Variants in SLC12A7 observed in about 807,000 individuals in gnomAD.
SLC12A7 encodes the protein K-Cl cotransporter 4.
SLC12A7 carries 100 observed loss-of-function variants against 120.6 expected under a neutral mutation model. The observed-to-expected ratio is 0.83, with a 90% CI of 0.71 to 0.98. The LOEUF is 0.98. Among genes scored for constraint, SLC12A7 ranks in the 50% least tolerant of loss-of-function variants. The pLI is 0.00. For synonymous variants in SLC12A7, 760 were observed against 678.0 expected, an observed-to-expected ratio of 1.12 and a Z score of -1.88; for missense variants, 1,373 against 1,548.1, an observed-to-expected ratio of 0.89 and a Z score of 1.90.
At chr5:1,064,999 T>G (rs1202578871) in intron 18 of SLC12A7, among the ~76,000 whole-genome samples, 1 of 56,418 alleles carries the variant, frequency 1.8e-5, no homozygotes, top group Admixed American at 2.8e-4. Flanking sequence ...GGCAAAGGGA[T>G]GCAGAGGAGA....
chr5:1,094,455 T>C (rs1301711532), intron 1 of SLC12A7, among the ~76,000 whole-genome samples: 1 of 152,142 alleles, frequency 6.6e-6, no homozygotes, highest in Non-Finnish European at 1.5e-5. Context: ...TGCACGCTAG[T>C]CCCAGGACAC....
chr5:1,052,500 T>C (rs1422519488), intron 23 of SLC12A7, 49 bp from the exon 24 acceptor site: 2 of 1,484,890 alleles, frequency 1.3e-6, no homozygotes, highest in Non-Finnish European at 1.9e-6. Context: ...TGAGCGTGTG[T>C]AGCTGAAATC....
chr5:1,053,339 G>A lies in SLC12A7; in HGVS notation c.3160+10C>T, dbSNP rs1261951449. ...CGCACGCTCAGCAGGCACACTGCAA[G>A]AAAGGATACAGTTCTCGTCTCCCTG... is the stretch of plus-strand genomic sequence containing the variant. On this transcript the variant is annotated intron_variant, in intron 23 of 23. Coordinates refer to ENST00000264930, the MANE Select transcript of SLC12A7 (RefSeq NM_006598.3). The A allele has an allele frequency of 1.9e-6, 3 of 1,613,272 alleles. No homozygotes were observed. The highest frequency in any genetic ancestry group is 2.5e-6 in the Non-Finnish European group (3 of 1,179,710).
chr5:1,065,849 C>A (rs536246084), intron 17 of SLC12A7, among the ~76,000 whole-genome samples: 2 of 151,264 alleles, frequency 1.3e-5, no homozygotes, highest in South Asian at 2.1e-4. Context: ...CAGAAACACC[C>A]GAAAATGGGC....
chr5:1,083,651 C>G, intron 8 of SLC12A7, 94 bp downstream of exon 8: 1 of 1,323,668 alleles, frequency 7.6e-7, no homozygotes, highest in South Asian at 1.2e-5. Context: ...GAATTGGGGC[C>G]CTGAGAGTGA....
At chr5:1,073,524 GC>G in intron 17 of SLC12A7, 108 bp downstream of exon 17, 1 of 1,233,208 alleles carries the variant, frequency 8.1e-7, no homozygotes, top group Non-Finnish European at 1.1e-6. Context: ...ACACAGCAGC[GC>G]CACGCACAGC....
At chr5:1,140,083 C>G in the SLC12A7 span, among the ~76,000 whole-genome samples, 2 of 152,172 alleles carry the variant, frequency 1.3e-5, no homozygotes, top group Non-Finnish European at 2.9e-5. Flanking sequence ...GGTGACCAGG[C>G]ACCACCGCCT....
intron 14 of SLC12A7, chr5:1,075,797 A>G (rs1408757691): frequency 4.0e-6 from 2 of 493,962 alleles, no homozygotes; most frequent in Non-Finnish European, 7.1e-6. Context: ...ATTCCTGGGG[A>G]GGGGAGTTAA....
At chr5:1,095,808 C>T (rs752897453) in intron 1 of SLC12A7, among the ~76,000 whole-genome samples, 9 of 152,344 alleles carry the variant, frequency 5.9e-5, no homozygotes, top group Non-Finnish European at 1.0e-4. Context: ...AGGGCATCGC[C>T]GTCTGGGGGC....
chr5:1,149,184 G>T, the SLC12A7 span, among the ~76,000 whole-genome samples: 4 of 146,894 alleles, frequency 2.7e-5, no homozygotes, highest in African/African-American at 1.0e-4. Context: ...GTGAGCTTCT[G>T]ACATCTGTTT....
chr5:1,068,164 G>A (rs558023564), intron 17 of SLC12A7, among the ~76,000 whole-genome samples: 1 of 152,336 alleles, frequency 6.6e-6, no homozygotes, highest in African/African-American at 2.4e-5. Context: ...ACAGGCTGCC[G>A]TGGCTCACAC....
At chr5:1,082,073 T>C (rs11739904) in intron 8 of SLC12A7, among the ~76,000 whole-genome samples, 25 of 59,402 alleles carry the variant, frequency 4.2e-4, no homozygotes, top group Middle Eastern at 0.01. Flanking sequence ...CTTCCCATCT[T>C]GGGTTCTGGA....
At chr5:1,136,694 C>G in the SLC12A7 span, among the ~76,000 whole-genome samples, 1 of 139,088 alleles carries the variant, frequency 7.2e-6, no homozygotes, top group Non-Finnish European at 1.6e-5. Context: ...CACACACGTG[C>G]TCAGACACCA....
chr5:1,141,323 C>T, the SLC12A7 span, among the ~76,000 whole-genome samples: 7 of 152,232 alleles, frequency 4.6e-5, no homozygotes, highest in Admixed American at 4.6e-4. Flanking sequence ...AGCTCCCTCC[C>T]AATACCATCA....
At chr5:1,085,994 T>C (rs973054823) in intron 6 of SLC12A7, among the ~76,000 whole-genome samples, 1 of 152,096 alleles carries the variant, frequency 6.6e-6, no homozygotes, top group African/African-American at 2.4e-5. Flanking sequence ...CGTGAGACAG[T>C]GCTGCTCAGC....
At chr5:1,139,756 T>TGAATTACC in the SLC12A7 span, among the ~76,000 whole-genome samples, 7 of 151,888 alleles carry the variant, frequency 4.6e-5, no homozygotes, top group Admixed American at 1.3e-4. Context: ...GCCCCGTGTC[T>TGAATTACC]TTGGGGAAGG....
chr5:1,063,489 A>G (rs1235250072), intron 20 of SLC12A7, among the ~76,000 whole-genome samples: 12 of 152,132 alleles, frequency 7.9e-5, no homozygotes, highest in African/African-American at 2.9e-4. Flanking sequence ...GTGTTACACG[A>G]GGTGTCCACA....
Position 1,073,758 on chromosome 5 carries a change from C to A in SLC12A7, c.2116G>T (p.Val706Leu). 6.6e-7 allele frequency: 1 copy of A among 1,523,424 alleles called. No individual in the cohort carries two copies. 94.4% of individuals were successfully genotyped at this position (1,523,424 alleles called of 1,614,324 possible). ...AAGGACAGCAGGCGGGGGTGCTTCA[C>A]GGCCTGCTCCGCGTCCAGGTTCAGC... ...VMLNLDAEQA[V>L]KHPRLLSFTS... Residue 706 changes from valine (V) to leucine (L), a missense_variant, in exon 17 of 24, where the codon GTG becomes TTG. Physicochemically the swap from Val to Leu is conservative, Grantham distance 32 (BLOSUM62 1). Coordinates refer to ENST00000264930, the MANE Select transcript of SLC12A7 (RefSeq NM_006598.3).
chr5:1,079,108 G>A (rs933738291), intron 10 of SLC12A7, among the ~76,000 whole-genome samples: 15 of 152,158 alleles, frequency 9.9e-5, no homozygotes, highest in Admixed American at 6.5e-4. Context: ...GAGGCCCCGC[G>A]GGCCCAGCCT....
Sources: allele counts gnomAD v4.1 joint callset (sites outside exome capture counted in the v4.1 genomes callset), GRCh38; gene constraint gnomAD v4.1.1; transcripts MANE v1.5; gene names NCBI Gene and HGNC (gene_info 2026-07-23, HGNC 2026-07-21).